Variants in PCBD2 observed in about 807,000 individuals in gnomAD.
PCBD2 encodes the protein pterin-4-alpha-carbinolamine dehydratase 2.
Under a neutral mutation model 16.4 loss-of-function variants are expected in PCBD2, and 12 were observed. The ratio of observed to expected loss-of-function variants is 0.73; its 90% confidence interval spans 0.47 to 1.19. The LOEUF (loss-of-function observed/expected upper bound fraction) is 1.19. Among genes scored for constraint, PCBD2 ranks in the 50% most tolerant of loss-of-function variants. The probability of loss-of-function intolerance (pLI) is 0.00; values close to 1 mark genes in which losing one functional copy is unlikely to be tolerated. For synonymous variants in PCBD2, 58 were observed against 61.8 expected, an observed-to-expected ratio of 0.94 and a Z score of 0.29; for missense variants, 138 against 156.8, an observed-to-expected ratio of 0.88 and a Z score of 0.64.
chr5:134,910,572 C>T, intron 2 of PCBD2, 106 bp downstream of exon 2: 1 of 1,303,122 alleles, frequency 7.7e-7, no homozygotes, highest in Non-Finnish European at 1.1e-6. Flanking sequence ...ATCTAGGATT[C>T]AACTCTTCCC....
At chr5:134,908,285 C>G (rs1750723022) in intron 1 of PCBD2, among the ~76,000 whole-genome samples, 1 of 147,776 alleles carries the variant, frequency 6.8e-6, no homozygotes, top group South Asian at 2.1e-4. Flanking sequence ...GGCTGGATGG[C>G]TGGGATTACA....
intron 2 of PCBD2, among the ~76,000 whole-genome samples, chr5:134,922,663 C>CTTT (rs1428418013): frequency 7.4e-6 from 1 of 135,870 alleles, no homozygotes; most frequent in Non-Finnish European, 1.6e-5. Context: ...GAAGGAAAAT[C>CTTT]TTTTTTTTTT....
intron 2 of PCBD2, among the ~76,000 whole-genome samples, chr5:134,952,692 C>A (rs928496977): frequency 3.3e-5 from 5 of 151,898 alleles, no homozygotes; most frequent in African/African-American, 1.2e-4. Context: ...GTAGTCCTAG[C>A]TACTTGGGAG....
chr5:134,947,207 C>G (rs1008848425), intron 2 of PCBD2, among the ~76,000 whole-genome samples: 1 of 151,790 alleles, frequency 6.6e-6, no homozygotes, highest in Non-Finnish European at 1.5e-5. Context: ...ATTATCCTGC[C>G]TCAGCCTCCC....
chr5:134,906,502 A>G (rs1275515208), intron 1 of PCBD2, among the ~76,000 whole-genome samples: 2 of 152,076 alleles, frequency 1.3e-5, no homozygotes, highest in African/African-American at 2.4e-5. Context: ...TAGCTCGAAG[A>G]CGGAGGAAGA....
intron 2 of PCBD2, among the ~76,000 whole-genome samples, chr5:134,943,440 A>C (rs772664631): frequency 2.0e-5 from 3 of 152,188 alleles, no homozygotes; most frequent in Admixed American, 2.0e-4. Context: ...TGTTGATAGC[A>C]CTCAGAATGC....
intron 2 of PCBD2, among the ~76,000 whole-genome samples, chr5:134,939,679 C>A (rs1222876847): frequency 6.6e-6 from 1 of 152,168 alleles, no homozygotes; most frequent in Admixed American, 6.5e-5. Flanking sequence ...AATACTCTTT[C>A]TGGAAAGGCT....
intron 1 of PCBD2, among the ~76,000 whole-genome samples, chr5:134,909,461 T>C (rs957224793): frequency 6.6e-6 from 1 of 152,250 alleles, no homozygotes; most frequent in African/African-American, 2.4e-5. Context: ...CCATCTTTCA[T>C]TCCTTTGTTC....
At chr5:134,933,424 C>G (rs1751121504) in intron 2 of PCBD2, among the ~76,000 whole-genome samples, 1 of 151,976 alleles carries the variant, frequency 6.6e-6, no homozygotes, top group South Asian at 2.1e-4. Flanking sequence ...TTTGTAGAGA[C>G]TGGGTTTTGC....
At position 134,960,892 on chromosome 5, in the gene PCBD2, G is replaced by T; in HGVS notation, c.*211G>T. 1 of 423,004 alleles carries T rather than the reference G, an allele frequency of 2.4e-6. No individual in the cohort carries two copies. 26.2% of individuals were successfully genotyped at this position (423,004 alleles called of 1,614,324 possible). On this transcript the variant is annotated 3_prime_UTR_variant, in exon 4 of 4. Coordinates refer to ENST00000254908, the MANE Select transcript of PCBD2 (RefSeq NM_032151.5). ...GGTGATTCTCCTGCCTCAGCCTCCT[G>T]AGTAGCTGGGATTACAAGCACGTGT...
chr5:134,908,323 T>G (rs972389805), intron 1 of PCBD2, among the ~76,000 whole-genome samples: 39 of 150,838 alleles, frequency 2.6e-4, no homozygotes, highest in Non-Finnish European at 4.3e-4. Flanking sequence ...CCAACTAATC[T>G]AGTAAGTGGT....
At chr5:134,938,756 A>G (rs976987877) in intron 2 of PCBD2, among the ~76,000 whole-genome samples, 1 of 152,222 alleles carries the variant, frequency 6.6e-6, no homozygotes, top group Admixed American at 6.5e-5. Flanking sequence ...ATACTGTTAA[A>G]GGAATTTTTA....
intron 2 of PCBD2, among the ~76,000 whole-genome samples, chr5:134,921,661 CAGT>C (rs1750905291): frequency 6.6e-6 from 1 of 152,156 alleles, no homozygotes; most frequent in South Asian, 2.1e-4. Context: ...TTGTTCCTCT[CAGT>C]AGCCACACCA....
intron 2 of PCBD2, chr5:134,924,095 G>T: frequency 2.5e-6 from 1 of 397,718 alleles, no homozygotes; most frequent in South Asian, 1.3e-4. Context: ...TCATATCATT[G>T]GTCGTGGTTG....
intron 2 of PCBD2, among the ~76,000 whole-genome samples, chr5:134,922,663 C>A (rs942836752): frequency 7.4e-6 from 1 of 135,874 alleles, no homozygotes; most frequent in Non-Finnish European, 1.6e-5. Flanking sequence ...GAAGGAAAAT[C>A]TTTTTTTTTT....
intron 1 of PCBD2, 54 bp from the exon 2 acceptor site, chr5:134,910,281 T>C: frequency 6.3e-7 from 1 of 1,575,694 alleles, no homozygotes; most frequent in Middle Eastern, 1.7e-4. Flanking sequence ...AGCCATAAGT[T>C]TGAGTTTGAG....
At chr5:134,935,038 A>T (rs924603750) in intron 2 of PCBD2, among the ~76,000 whole-genome samples, 1 of 152,238 alleles carries the variant, frequency 6.6e-6, no homozygotes, top group Middle Eastern at 3.2e-3. Context: ...GATTTGTTCA[A>T]TGGAGGTCAG....
chr5:134,925,635 A>G (rs1460521961), intron 2 of PCBD2: 1 of 397,376 alleles, frequency 2.5e-6, no homozygotes, highest in Non-Finnish European at 4.4e-6. Flanking sequence ...ATAGTGTGAG[A>G]GTTTGGATTA....
At chr5:134,923,060 C>A (rs918324876) in intron 2 of PCBD2, among the ~76,000 whole-genome samples, 2 of 152,138 alleles carry the variant, frequency 1.3e-5, no homozygotes, top group African/African-American at 4.8e-5. Context: ...TACATGTATT[C>A]ATTCATTTAA....
Sources: allele counts gnomAD v4.1 joint callset (sites outside exome capture counted in the v4.1 genomes callset), GRCh38; gene constraint gnomAD v4.1.1; transcripts MANE v1.5; gene names NCBI Gene and HGNC (gene_info 2026-07-23, HGNC 2026-07-21).